The following COL23A1 variants were observed in gnomAD, a reference collection of about 807,000 sequenced individuals.
COL23A1 encodes collagen type XXIII alpha 1 chain.
A neutral mutation model predicts 99.3 loss-of-function variants in COL23A1; 97 were observed. That is an observed-to-expected ratio of 0.98 (90% CI 0.83 to 1.16). The LOEUF is 1.16. COL23A1 is among the 50% of genes most tolerant of loss of function. COL23A1 has a pLI of 0.00. For missense variants in COL23A1, 762 were observed against 757.4 expected, an observed-to-expected ratio of 1.01 and a Z score of -0.07; for synonymous variants, 320 against 308.2, an observed-to-expected ratio of 1.04 and a Z score of -0.40.
intron 8 of COL23A1, 91 bp from the exon 9 acceptor site, chr5:178,263,415 C>T (rs1765745139): frequency 1.3e-6 from 1 of 785,170 alleles, no homozygotes; most frequent in Non-Finnish European, 2.1e-6. Context: ...CCACGCCATC[C>T]CCTTCCCCAG....
At position 178,324,198 on chromosome 5, in the gene COL23A1, C is replaced by T. The variant is rs192166684; in HGVS notation, c.362-17279G>A. On this transcript the variant is annotated intron_variant, in intron 2 of 28. Transcript: ENST00000390654. ...AGGTGCAGGGGGTGCTTGGCCCCAC[C>T]CCCGTTTCAGATTCAGTGGGGCTGG... 7.1e-3 allele frequency among the ~76,000 whole-genome samples: 1,085 copies of T among 152,148 alleles called. 11 individuals carry two copies. Among genetic ancestry groups the T allele is most frequent in the African/African-American group, 0.025 (1,041 of 41,528 alleles).
At chr5:178,314,147 G>C (rs1332488246) in intron 2 of COL23A1, among the ~76,000 whole-genome samples, 1 of 152,144 alleles carries the variant, frequency 6.6e-6, no homozygotes, top group Non-Finnish European at 1.5e-5. Context: ...TTCAGCCAGT[G>C]CTGCGGGCAC....
At chr5:178,361,164 T>C (rs1762155286) in intron 2 of COL23A1, among the ~76,000 whole-genome samples, 1 of 152,220 alleles carries the variant, frequency 6.6e-6, no homozygotes, top group African/African-American at 2.4e-5. Flanking sequence ...ATAAAATATA[T>C]TTTAAAATGA....
intron 2 of COL23A1, among the ~76,000 whole-genome samples, chr5:178,537,853 T>C (rs535767579): frequency 6.6e-6 from 1 of 152,212 alleles, no homozygotes; most frequent in Non-Finnish European, 1.5e-5. Flanking sequence ...ACATTCACAC[T>C]GTCGTGCCAC....
Position 178,546,561 on chromosome 5 carries a change from C to A in COL23A1, c.361+14121G>T, listed in dbSNP as rs975512421. Among the ~76,000 whole-genome samples, 4 of 152,310 alleles carry A rather than the reference C, an allele frequency of 2.6e-5. 1 individual carries two copies. Among genetic ancestry groups the A allele is most frequent in the East Asian group, 1.9e-4 (1 of 5,166 alleles). ...CCTCGTCCTGACACTGGGGGCCGTC[C>A]CAGGGCCTGGCTGCGGTGACGCGCC... On this transcript the variant is annotated intron_variant, in intron 2 of 28. Coordinates refer to ENST00000390654, the MANE Select transcript of COL23A1 (RefSeq NM_173465.4).
At chr5:178,441,401 C>T (rs1270524613) in intron 2 of COL23A1, among the ~76,000 whole-genome samples, 1 of 152,158 alleles carries the variant, frequency 6.6e-6, no homozygotes, top group African/African-American at 2.4e-5. Context: ...TAAAACTCCA[C>T]ATGGGACAGG....
chr5:178,444,336 ACT>A (rs1430666564), intron 2 of COL23A1, among the ~76,000 whole-genome samples: 27 of 151,804 alleles, frequency 1.8e-4, no homozygotes, highest in African/African-American at 6.5e-4. Flanking sequence ...GACTCAGGGA[ACT>A]CTGTTGATTA....
intron 2 of COL23A1, among the ~76,000 whole-genome samples, chr5:178,463,936 C>T (rs987945765): frequency 2.0e-5 from 3 of 151,678 alleles, no homozygotes; most frequent in African/African-American, 7.3e-5. Context: ...CAGAACGAAC[C>T]TCTTGTTGTG....
chr5:178,521,819 GCAGTTAAGAAGTTAC>G (rs1330901129), intron 2 of COL23A1, among the ~76,000 whole-genome samples: 2 of 152,170 alleles, frequency 1.3e-5, no homozygotes, highest in Non-Finnish European at 2.9e-5. Flanking sequence ...CAGAGACAAA[GCAGTTAAGAAGTTAC>G]CAGTGGCTGG....
At chr5:178,453,165 G>A (rs1767583314) in intron 2 of COL23A1, among the ~76,000 whole-genome samples, 2 of 152,174 alleles carry the variant, frequency 1.3e-5, no homozygotes, top group South Asian at 4.1e-4. Flanking sequence ...AGAACAGTAA[G>A]TGCCGTATGT....
chr5:178,251,698 T>C (rs1446444886), intron 17 of COL23A1, among the ~76,000 whole-genome samples: 1 of 152,144 alleles, frequency 6.6e-6, no homozygotes, highest in Non-Finnish European at 1.5e-5. Flanking sequence ...TAGCACCTGA[T>C]AGGTAGTTTT....
chr5:178,261,618 T>G, intron 11 of COL23A1, 104 bp downstream of exon 11: 1 of 778,390 alleles, frequency 1.3e-6, no homozygotes, highest in South Asian at 1.4e-5. Flanking sequence ...CCTGCTGCCT[T>G]GGCTTCACTA....
intron 2 of COL23A1, among the ~76,000 whole-genome samples, chr5:178,542,012 A>G (rs1454746207): frequency 6.6e-6 from 1 of 152,140 alleles, no homozygotes; most frequent in Non-Finnish European, 1.5e-5. Flanking sequence ...TCTTGCTTGT[A>G]GCAGGTTACA....
intron 2 of COL23A1, among the ~76,000 whole-genome samples, chr5:178,423,192 C>T (rs1349365468): frequency 2.0e-5 from 3 of 151,938 alleles, no homozygotes. Context: ...ACTATGTTGC[C>T]CAGGCTGGAC....
intron 2 of COL23A1, among the ~76,000 whole-genome samples, chr5:178,400,170 T>G (rs943491682): frequency 3.9e-5 from 6 of 151,900 alleles, no homozygotes; most frequent in Non-Finnish European, 7.4e-5. Flanking sequence ...ATCGAGACCA[T>G]CCTGGCTAAC....
intron 2 of COL23A1, among the ~76,000 whole-genome samples, chr5:178,453,608 G>A (rs766808837): frequency 6.6e-6 from 1 of 152,182 alleles, no homozygotes; most frequent in East Asian, 1.9e-4. Flanking sequence ...TACAGAGCTA[G>A]GAGGGTTCTT....
At chr5:178,424,474 A>G (rs1023230602) in intron 2 of COL23A1, among the ~76,000 whole-genome samples, 3 of 152,202 alleles carry the variant, frequency 2.0e-5, no homozygotes, top group Non-Finnish European at 4.4e-5. Context: ...CTGCCCCCGG[A>G]CAGACAGTAA....
At chr5:178,459,715 T>C (rs959866642) in intron 2 of COL23A1, among the ~76,000 whole-genome samples, 2 of 152,172 alleles carry the variant, frequency 1.3e-5, no homozygotes, top group Non-Finnish European at 2.9e-5. Flanking sequence ...TGAGCTGAGA[T>C]TGTGTCACTG....
At chr5:178,498,194 G>C (rs1011038278) in intron 2 of COL23A1, among the ~76,000 whole-genome samples, 31 of 107,872 alleles carry the variant, frequency 2.9e-4, no homozygotes, top group African/African-American at 1.0e-3. Flanking sequence ...GCGAGACCCT[G>C]TCTTTATTTA....
Sources: allele counts gnomAD v4.1 joint callset (sites outside exome capture counted in the v4.1 genomes callset), GRCh38; gene constraint gnomAD v4.1.1; transcripts MANE v1.5; gene names NCBI Gene and HGNC (gene_info 2026-07-23, HGNC 2026-07-21).